Variants in MARK2 observed in about 807,000 individuals in gnomAD.
MARK2 encodes the protein serine/threonine-protein kinase MARK2.
A neutral mutation model predicts 89.8 loss-of-function variants in MARK2; 16 were observed. That is an observed-to-expected ratio of 0.18 (90% CI 0.12 to 0.27). MARK2 has a LOEUF of 0.27. Ranked by LOEUF, MARK2 falls within the 10% of genes least tolerant of loss-of-function variation. The probability of loss-of-function intolerance (pLI) is 1.00; values close to 1 mark genes in which losing one functional copy is unlikely to be tolerated. For synonymous variants in MARK2, 382 were observed against 399.5 expected (o/e 0.96, Z 0.52); for missense variants, 621 against 1,049.9 (o/e 0.59, Z 5.65).
At position 63,899,850 on chromosome 11, in the gene MARK2, G is replaced by A. The variant is rs1590683836; in HGVS notation, c.532-24G>A. 4.6e-6 allele frequency: 7 copies of A among 1,529,442 alleles called. No individual in the cohort carries two copies. In the East Asian group the frequency reaches 1.6e-4, roughly 34 times the overall value. 94.7% of individuals were successfully genotyped at this position (1,529,442 alleles called of 1,614,324 possible). A position where few individuals can be genotyped will look rare whatever the true frequency, so the allele number is the denominator to read the frequency against. On this transcript the variant is annotated intron_variant, in intron 7 of 18. Transcript: ENST00000402010. ...CTTAGTCTGGTCCACTTGGTTCCCT[G>A]ATGTTTTCCATCTTACCTCCCAGGC...
intron 1 of MARK2, among the ~76,000 whole-genome samples, chr11:63,856,654 C>A (rs1047103681): frequency 4.6e-5 from 7 of 151,594 alleles, no homozygotes; most frequent in African/African-American, 1.7e-4. Context: ...GAACTCCTGG[C>A]CTAAGTGATC....
Position 63,903,252 on chromosome 11 carries a change from G to C in MARK2, c.1514+94G>C, listed in dbSNP as rs72934177. Reference sequence around the variant, plus strand: ...AGCACCGTCTCCTGTCCCTGCCAGCGCATTGCTCCCTGCTCCCTGGAGTTC... The same window carrying C: ...AGCACCGTCTCCTGTCCCTGCCAGCCCATTGCTCCCTGCTCCCTGGAGTTC... On this transcript the variant is annotated intron_variant, in intron 14 of 18. Transcript: ENST00000402010. This position sits in a 1 kb window ranked among gnomAD's most constrained non-coding sequence, Gnocchi z 5.1. 2 of 967,716 alleles carry C rather than the reference G, an allele frequency of 2.1e-6. No individual in the cohort carries two copies. The highest frequency in any genetic ancestry group is 3.3e-6 in the Non-Finnish European group (2 of 609,530). 59.9% of individuals were successfully genotyped at this position (967,716 alleles called of 1,614,324 possible). A position where few individuals can be genotyped will look rare whatever the true frequency, so the allele number is the denominator to read the frequency against.
intron 1 of MARK2, among the ~76,000 whole-genome samples, chr11:63,893,158 C>T (rs1940050270): frequency 6.6e-6 from 1 of 151,038 alleles, no homozygotes; most frequent in Non-Finnish European, 1.5e-5. Flanking sequence ...AAGCAATCCA[C>T]CTGCCTCAAC....
At chr11:63,898,551 G>A in intron 4 of MARK2, 57 bp from the exon 5 acceptor site, 2 of 1,307,200 alleles carry the variant, frequency 1.5e-6, no homozygotes, top group Admixed American at 1.7e-5. Context: ...ACATGTTGGA[G>A]AGCAGTATGT....
intron 1 of MARK2, among the ~76,000 whole-genome samples, chr11:63,867,607 G>A (rs1423403816): frequency 6.6e-6 from 1 of 152,122 alleles, no homozygotes; most frequent in Non-Finnish European, 1.5e-5. Flanking sequence ...TTTTTTAAGC[G>A]CTTCTCATGT....
At position 63,898,958 on chromosome 11, in the gene MARK2, G is replaced by A. The variant is rs1330339533; in HGVS notation, c.475-94G>A. 4.1e-6 allele frequency: 5 copies of A among 1,215,672 alleles called. No homozygotes were observed. The African/African-American group carries it at 6.0e-5, about 14-fold the overall frequency. The allele number at this position is 1,215,672 out of a possible 1,614,324, so 75.3% of individuals were successfully genotyped here. On this transcript the variant is annotated intron_variant, in intron 6 of 18. Coordinates refer to ENST00000402010, the MANE Select transcript of MARK2 (RefSeq NM_001039469.3). The stretch of plus-strand genomic sequence containing the variant: ...ACTTTGGGCTCTGCTTATCCGTGTG[G>A]CAGGTTAGCACTAAGTCACAGGGTC...
intron 1 of MARK2, among the ~76,000 whole-genome samples, chr11:63,842,450 C>T (rs1284862190): frequency 6.6e-6 from 1 of 152,048 alleles, no homozygotes; most frequent in South Asian, 2.1e-4. Context: ...CTCCTGTCCT[C>T]GTGATCCGGC....
In MARK2 at chr11:63,904,341, C is replaced by G. The variant is rs1941149477; in HGVS notation, c.1676+194C>G. On this transcript the variant is annotated intron_variant, in intron 15 of 18. Transcript: ENST00000402010. The surrounding 1 kb of genome is among the most constrained non-coding windows in gnomAD (Gnocchi z 6.3). ...ATTAATGCCCCTCTTTTCCAGTTCT[C>G]CCTCTCAGAACAGGTATGCAGGAAG... Among the ~76,000 whole-genome samples, 1 of 152,154 alleles carries G rather than the reference C, an allele frequency of 6.6e-6. No homozygotes were observed. The highest frequency in any genetic ancestry group is 1.5e-5 in the Non-Finnish European group (1 of 68,012).
At chr11:63,873,568 C>T (rs942997332) in intron 1 of MARK2, among the ~76,000 whole-genome samples, 1 of 152,188 alleles carries the variant, frequency 6.6e-6, no homozygotes, top group South Asian at 2.1e-4. Context: ...AACATCCTCT[C>T]GCTGCTAAGA....
chr11:63,871,458 G>T (rs1249922224), intron 1 of MARK2, among the ~76,000 whole-genome samples: 1 of 151,984 alleles, frequency 6.6e-6, no homozygotes, highest in African/African-American at 2.4e-5. Flanking sequence ...TGTGGGTGAA[G>T]AGTATTCACC....
At chr11:63,878,826 A>G (rs938396314) in intron 1 of MARK2, among the ~76,000 whole-genome samples, 4 of 152,168 alleles carry the variant, frequency 2.6e-5, no homozygotes, top group African/African-American at 9.7e-5. Context: ...AGTCTTAAGT[A>G]CAATTCACGT....
At chr11:63,876,039 C>T (rs1232414801) in intron 1 of MARK2, among the ~76,000 whole-genome samples, 2 of 152,214 alleles carry the variant, frequency 1.3e-5, no homozygotes, top group East Asian at 1.9e-4. Flanking sequence ...AGTTTCCAGG[C>T]CCATACATCT....
intron 1 of MARK2, among the ~76,000 whole-genome samples, chr11:63,877,579 G>T (rs1180305345): frequency 6.6e-6 from 1 of 151,942 alleles, no homozygotes; most frequent in Non-Finnish European, 1.5e-5. Context: ...GGCACCTGTA[G>T]TCCCAGCTAC....
chr11:63,852,050 A>G lies in MARK2; in HGVS notation c.54+12490A>G, dbSNP rs573981710. On this transcript the variant is annotated intron_variant, in intron 1 of 18. Transcript: ENST00000402010. ...TGCACGAAGTCAAAATTCTGTTCATAGTAACGTTAACACAGTGTTGCTTTT... is the reference window on the plus strand; with the variant it reads ...TGCACGAAGTCAAAATTCTGTTCATGGTAACGTTAACACAGTGTTGCTTTT... Among the ~76,000 whole-genome samples, 30 of 152,366 alleles carry G rather than the reference A, an allele frequency of 2.0e-4. No homozygotes were observed. The South Asian group carries it at 2.1e-3, about 11-fold the overall frequency.
At position 63,903,203 on chromosome 11, in the gene MARK2, T is replaced by G; in HGVS notation, c.1514+45T>G. The G allele has an allele frequency of 2.1e-6, 3 of 1,397,602 alleles. No homozygotes were observed. Among genetic ancestry groups the G allele is most frequent in the Non-Finnish European group, 3.0e-6 (3 of 988,724 alleles). 86.6% of individuals were successfully genotyped at this position (1,397,602 alleles called of 1,614,324 possible). A position where few individuals can be genotyped will look rare whatever the true frequency, so the allele number is the denominator to read the frequency against. On this transcript the variant is annotated intron_variant, in intron 14 of 18. Transcript: ENST00000402010. The surrounding 1 kb of genome is among the most constrained non-coding windows in gnomAD (Gnocchi z 5.1). ...CCTGCCTCACTCCCTAGGAGCCATG[T>G]CTCACAGGGTGATGTCTGTCAGCAG...
chr11:63,851,684 G>A (rs2135211882), intron 1 of MARK2, among the ~76,000 whole-genome samples: 1 of 152,080 alleles, frequency 6.6e-6, no homozygotes, highest in Admixed American at 6.5e-5. Context: ...TCTCCTTCAG[G>A]TATAGAATCC....
At chr11:63,856,329 TTTTTTTTTA>T (rs1565100345) in intron 1 of MARK2, among the ~76,000 whole-genome samples, 3 of 149,996 alleles carry the variant, frequency 2.0e-5, no homozygotes, top group East Asian at 3.9e-4. Context: ...TTGTTTTTTT[TTTTTTTTTA>T]AATATATGGC....
Position 63,902,276 on chromosome 11 carries a change from A to G in MARK2, c.1180A>G (p.Lys394Glu). Residue 394 changes from lysine (K) to glutamate (E), a missense_variant, in exon 12 of 19, where the codon AAG becomes GAG. This residue lies in a region of MARK2 where 397 missense variants were observed against 567.8 expected (regional missense o/e 0.70). Coordinates refer to ENST00000402010, the MANE Select transcript of MARK2 (RefSeq NM_001039469.3). The surrounding 1 kb of genome is among the most constrained non-coding windows in gnomAD (Gnocchi z 4.2). ...TNSSAPSPSH[K>E]VQRSVSANPK... ...TAGCAGCGCCCCATCCCCATCCCAC[A>G]AGGTACAGCGCAGCGTGTCGGCCAA... 6.2e-7 allele frequency: 1 copy of G among 1,614,060 alleles called. No homozygotes were observed. Among genetic ancestry groups the G allele is most frequent in the Non-Finnish European group, 8.5e-7 (1 of 1,179,980 alleles).
At position 63,856,768 on chromosome 11, in the gene MARK2, G is replaced by GGTTTTT. The variant is rs1565100741; in HGVS notation, c.54+17208_54+17209insGTTTTT. Among the ~76,000 whole-genome samples the GGTTTTT allele has an allele frequency of 7.4e-5, 4 of 53,808 alleles. 1 individual carries two copies. The East Asian group carries it at 2.0e-3, about 27-fold the overall frequency. The allele number at this position is 53,808 out of a possible 152,430, so 35.3% of individuals were successfully genotyped here. A position where few individuals can be genotyped will look rare whatever the true frequency, so the allele number is the denominator to read the frequency against. On this transcript the variant is annotated intron_variant, in intron 1 of 18. Coordinates refer to ENST00000402010, the MANE Select transcript of MARK2 (RefSeq NM_001039469.3). ...TTTTTTCCATTTTTAAATTTTTCATGTTTTTTTTTTTTTTTTTTTTTTTTT... is the reference window on the plus strand; with the variant it reads ...TTTTTTCCATTTTTAAATTTTTCATGGTTTTTTTTTTTTTTTTTTTTTTTTTTTTTT...
Sources: allele counts gnomAD v4.1 joint callset (sites outside exome capture counted in the v4.1 genomes callset), GRCh38; gene constraint gnomAD v4.1.1; regional missense constraint gnomAD v4.1.1; non-coding constraint Gnocchi (gnomAD v3.1); transcripts MANE v1.5; gene names NCBI Gene and HGNC (gene_info 2026-07-23, HGNC 2026-07-21).